Variants in ARHGAP6 observed in about 807,000 individuals in gnomAD.
ARHGAP6 encodes Rho GTPase activating protein 6, also known as rho GTPase-activating protein 6.
In ARHGAP6, 16 loss-of-function variants were observed where a neutral mutation model predicts 55.7. The observed-to-expected ratio is 0.29, with a 90% CI of 0.19 to 0.44. ARHGAP6 has a LOEUF of 0.44. ARHGAP6 is among the 20% of genes least tolerant of loss of function. The pLI is 1.00. For synonymous variants in ARHGAP6, 382 were observed against 360.9 expected, an observed-to-expected ratio of 1.06 and a Z score of -0.66; for missense variants, 698 against 808.9, an observed-to-expected ratio of 0.86 and a Z score of 1.66.
intron 1 of ARHGAP6, among the ~76,000 whole-genome samples, chrX:11,321,546 C>A (rs1035161711): frequency 4.5e-5 from 5 of 111,542 alleles, no homozygotes; most frequent in African/African-American, 1.6e-4. Flanking sequence ...GATCTGAGCT[C>A]CCAGAACTTC....
chrX:11,377,309 C>T (rs767201913), intron 1 of ARHGAP6, among the ~76,000 whole-genome samples: 2 of 112,426 alleles, frequency 1.8e-5, no homozygotes, highest in African/African-American at 6.5e-5. Flanking sequence ...CACAAAGGAC[C>T]ACATCTTGTA....
At chrX:11,392,721 G>A (rs1193809569) in intron 1 of ARHGAP6, among the ~76,000 whole-genome samples, 1 of 111,832 alleles carries the variant, frequency 8.9e-6, no homozygotes, top group Non-Finnish European at 1.9e-5. Context: ...AATCACAGAA[G>A]GAAGAATCAA....
intron 1 of ARHGAP6, among the ~76,000 whole-genome samples, chrX:11,340,305 C>T (rs900765149): frequency 8.0e-5 from 9 of 112,141 alleles, no homozygotes; most frequent in Admixed American, 2.8e-4. Context: ...CTCTTTTGTA[C>T]ATACTGTTCC....
intron 5 of ARHGAP6, among the ~76,000 whole-genome samples, chrX:11,183,278 T>C (rs1297499805): frequency 9.0e-6 from 1 of 111,613 alleles, no homozygotes; most frequent in East Asian, 2.8e-4. Context: ...CATAATTTAC[T>C]CCATATTCCC....
chrX:11,427,598 C>CGCCT (rs2049896636), intron 1 of ARHGAP6: 1 of 897,522 alleles, frequency 1.1e-6, no homozygotes. Flanking sequence ...TGCCCCATGT[C>CGCCT]GCCTCCGGGA....
At position 11,264,825 on chromosome X, in the gene ARHGAP6, C is replaced by T. The variant is rs2047603988; in HGVS notation, c.589-10118G>A. 4.5e-5 allele frequency among the ~76,000 whole-genome samples: 5 copies of T among 111,754 alleles called. No homozygotes were observed. In the South Asian group the frequency reaches 1.9e-3, roughly 42 times the overall value. On this transcript the variant is annotated intron_variant, in intron 1 of 12. Transcript: ENST00000337414. ...GCTCTCTGCTAGTTACTGTTCTAAG[C>T]CTTTTATTTATATTATCTCATTTAA...
intron 1 of ARHGAP6, among the ~76,000 whole-genome samples, chrX:11,366,320 T>C (rs1400652531): frequency 8.9e-6 from 1 of 112,592 alleles, no homozygotes; most frequent in Non-Finnish European, 1.9e-5. Flanking sequence ...ACAAAGTTAG[T>C]AGATCTGATT....
At chrX:11,632,764 A>C (rs994232508) in intron 1 of ARHGAP6, among the ~76,000 whole-genome samples, 2 of 112,393 alleles carry the variant, frequency 1.8e-5, no homozygotes, top group African/African-American at 3.2e-5. Flanking sequence ...GCCCTGCCAT[A>C]TGTAGTTTAA....
intron 2 of ARHGAP6, among the ~76,000 whole-genome samples, chrX:11,242,370 G>A (rs1305935913): frequency 8.9e-6 from 1 of 112,138 alleles, no homozygotes; most frequent in Non-Finnish European, 1.9e-5. Flanking sequence ...AACTGCTAAT[G>A]ATCAAATTAT....
intron 2 of ARHGAP6, among the ~76,000 whole-genome samples, chrX:11,222,229 T>C (rs1353111941): frequency 8.9e-6 from 1 of 111,863 alleles, no homozygotes; most frequent in Non-Finnish European, 1.9e-5. Context: ...TCAAAAAAGT[T>C]TGAGAAAATT....
chrX:11,547,146 C>T (rs945821217), intron 1 of ARHGAP6, among the ~76,000 whole-genome samples: 7 of 112,402 alleles, frequency 6.2e-5, no homozygotes, highest in Non-Finnish European at 9.4e-5. Flanking sequence ...ACAACACTTC[C>T]ACTGCAGTGT....
chrX:11,414,628 T>G (rs1339687438), intron 1 of ARHGAP6, among the ~76,000 whole-genome samples: 3 of 111,488 alleles, frequency 2.7e-5, no homozygotes, highest in Non-Finnish European at 5.7e-5. Context: ...TGTTCAAACT[T>G]CAATGAGACA....
intron 1 of ARHGAP6, among the ~76,000 whole-genome samples, chrX:11,365,917 T>C (rs1016288207): frequency 8.9e-6 from 1 of 112,384 alleles, no homozygotes; most frequent in Admixed American, 9.4e-5. Flanking sequence ...TCTGAGATCA[T>C]GGTGCCAGCA....
intron 2 of ARHGAP6, among the ~76,000 whole-genome samples, chrX:11,227,918 CT>C (rs1173188405): frequency 1.4e-4 from 15 of 105,130 alleles, no homozygotes; most frequent in South Asian, 4.1e-4. Context: ...TTTTGTATTA[CT>C]TTTTTTTTTA....
intron 9 of ARHGAP6, among the ~76,000 whole-genome samples, chrX:11,162,335 C>A (rs763106094): frequency 1.3e-5 from 1 of 79,784 alleles, no homozygotes; most frequent in Non-Finnish European, 2.4e-5. Context: ...GAAACTGTGC[C>A]CCCCCCCCCA....
intron 1 of ARHGAP6, among the ~76,000 whole-genome samples, chrX:11,516,296 G>T (rs1027169909): frequency 9.0e-6 from 1 of 111,676 alleles, no homozygotes; most frequent in African/African-American, 3.3e-5. Flanking sequence ...TAAGTGTACA[G>T]TTCAGTAGCG....
chrX:11,268,871 T>C (rs1453327568), intron 1 of ARHGAP6, among the ~76,000 whole-genome samples: 1 of 111,676 alleles, frequency 9.0e-6, no homozygotes, highest in Non-Finnish European at 1.9e-5. Flanking sequence ...TGGAAACTTC[T>C]GCTTTTGCAT....
intron 1 of ARHGAP6, among the ~76,000 whole-genome samples, chrX:11,286,333 T>G (rs926743071): frequency 9.0e-6 from 1 of 111,404 alleles, no homozygotes; most frequent in Non-Finnish European, 1.9e-5. Flanking sequence ...AAAATGAGTG[T>G]TTTTCCCCAC....
At chrX:11,431,351 G>C (rs931298754) in intron 1 of ARHGAP6, among the ~76,000 whole-genome samples, 11 of 112,471 alleles carry the variant, frequency 9.8e-5, no homozygotes, top group African/African-American at 3.6e-4. Flanking sequence ...CTTTCTGCCA[G>C]AGCATTTAAA....
Sources: allele counts gnomAD v4.1 joint callset (sites outside exome capture counted in the v4.1 genomes callset), GRCh38; gene constraint gnomAD v4.1.1; transcripts MANE v1.5; gene names NCBI Gene and HGNC (gene_info 2026-07-23, HGNC 2026-07-21).